ERG: variants seen among roughly 807,000 people sequenced by gnomAD.
The protein encoded by ERG is ETS transcription factor ERG.
A neutral mutation model predicts 55.3 loss-of-function variants in ERG; 9 were observed. The observed-to-expected ratio is 0.16, with a 90% confidence interval of 0.10 to 0.28. ERG has a LOEUF of 0.28. Ranked by LOEUF, ERG falls within the 10% of genes least tolerant of loss-of-function variation. The probability of loss-of-function intolerance (pLI) is 1.00; values close to 1 mark genes in which losing one functional copy is unlikely to be tolerated. For synonymous variants in ERG, 223 were observed against 237.3 expected (o/e 0.94, Z 0.55); for missense variants, 434 against 631.6 (o/e 0.69, Z 3.35).
At chr21:38,595,161 T>C (rs985926629) in intron 1 of ERG, among the ~76,000 whole-genome samples, 10 of 152,068 alleles carry the variant, frequency 6.6e-5, no homozygotes, top group Admixed American at 2.0e-4. Flanking sequence ...CCGAACCTTG[T>C]TGTGAAAATA....
chr21:38,582,227 C>T (rs2060034394), intron 1 of ERG, among the ~76,000 whole-genome samples: 1 of 152,110 alleles, frequency 6.6e-6, no homozygotes, highest in Non-Finnish European at 1.5e-5. Context: ...GTTGTGGGAA[C>T]CCCCAATGTT....
chr21:38,585,532 C>CTTTTTTTTTTTTT (rs760791568), upstream of ERG, among the ~76,000 whole-genome samples: 2,321 of 59,230 alleles, frequency 0.039, 627 homozygotes, highest in East Asian at 0.085. Context: ...TCTCTCTCTT[C>CTTTTTTTTTTTTT]TTTTTTTTTT....
intron 2 of ERG, among the ~76,000 whole-genome samples, chr21:38,504,463 G>A (rs2059445412): frequency 6.6e-6 from 1 of 152,220 alleles, no homozygotes; most frequent in Non-Finnish European, 1.5e-5. Context: ...CCTAAGAGGA[G>A]AGTAATTATT....
Position 38,382,294 on chromosome 21 carries a change from A to G in ERG, c.*1109T>C, listed in dbSNP as rs1569052147. On this transcript the variant is annotated 3_prime_UTR_variant, in exon 10 of 10. Transcript: ENST00000288319. ...ACAAACGCACAGCGTTCGCGACTCA[A>G]AGGAAAACTGGAGGCCGCCTACCCA... The G allele has an allele frequency of 6.6e-6, 7 of 1,054,446 alleles. No homozygotes were observed. Among genetic ancestry groups the G allele is most frequent in the Non-Finnish European group, 8.0e-6 (7 of 872,194 alleles). 65.3% of individuals were successfully genotyped at this position (1,054,446 alleles called of 1,614,324 possible).
chr21:38,461,110 C>T (rs530165903), intron 1 of ERG, among the ~76,000 whole-genome samples: 1 of 152,172 alleles, frequency 6.6e-6, no homozygotes, highest in Admixed American at 6.5e-5. Context: ...CAATGTACCA[C>T]GGACTGAGGG....
chr21:38,644,687 A>G (rs2060445681), intron 1 of ERG, among the ~76,000 whole-genome samples: 1 of 151,740 alleles, frequency 6.6e-6, no homozygotes, highest in Admixed American at 6.7e-5. Context: ...TATCAGGATT[A>G]TATCAATTAA....
At chr21:38,491,043 A>G (rs2059330974) in intron 1 of ERG, among the ~76,000 whole-genome samples, 1 of 152,150 alleles carries the variant, frequency 6.6e-6, no homozygotes, top group Non-Finnish European at 1.5e-5. Flanking sequence ...AGGACTACGC[A>G]ATGCAAAACC....
At chr21:38,515,324 G>A (rs956999549) in intron 2 of ERG, among the ~76,000 whole-genome samples, 1 of 151,884 alleles carries the variant, frequency 6.6e-6, no homozygotes, top group Non-Finnish European at 1.5e-5. Context: ...GGAAAACCTA[G>A]AGGAAATGGA....
Position 38,434,566 on chromosome 21 carries a change from C to A in ERG, c.236+10838G>T, listed in dbSNP as rs147422806. Among the ~76,000 whole-genome samples, 9 of 152,306 alleles carry A rather than the reference C, an allele frequency of 5.9e-5. No homozygotes were observed. The East Asian group carries it at 1.5e-3, about 26-fold the overall frequency. ...GTGAGTACATTTATGAATGAATCTT[C>A]CATTTAAATATTGAGTTCCTTATCT... is the stretch of plus-strand genomic sequence containing the variant. On this transcript the variant is annotated intron_variant, in intron 2 of 9. Transcript: ENST00000288319.
At chr21:38,391,775 A>G (rs751440898) in intron 7 of ERG, 60 bp from the exon 8 acceptor site, 32 of 1,285,062 alleles carry the variant, frequency 2.5e-5, no homozygotes, top group Non-Finnish European at 3.2e-5. Flanking sequence ...CTAGTCTTTG[A>G]TGTTGTTGCA....
At chr21:38,445,808 T>A (rs1253759651) in intron 1 of ERG, among the ~76,000 whole-genome samples, 187 bp from the exon 2 acceptor site, 1 of 152,004 alleles carries the variant, frequency 6.6e-6, no homozygotes, top group African/African-American at 2.4e-5. Context: ...GAGTTAGAAA[T>A]GCCAGCCTAG....
At chr21:38,483,479 G>A (rs1313799629) in intron 1 of ERG, among the ~76,000 whole-genome samples, 1 of 152,146 alleles carries the variant, frequency 6.6e-6, no homozygotes, top group Non-Finnish European at 1.5e-5. Context: ...GGAAAAGTAT[G>A]GATTTGTTAA....
At chr21:38,376,941 A>G (rs886203917), downstream of ERG, among the ~76,000 whole-genome samples, 10 of 152,250 alleles carry the variant, frequency 6.6e-5, no homozygotes, top group Non-Finnish European at 1.2e-4. Context: ...TTCCTGTCTG[A>G]TAACTACCAA....
chr21:38,377,121 A>G (rs1358423251), downstream of ERG, among the ~76,000 whole-genome samples: 1 of 152,254 alleles, frequency 6.6e-6, no homozygotes, highest in Admixed American at 6.5e-5. Flanking sequence ...AACCTCTCAA[A>G]GCTTCACATC....
At position 38,421,583 on chromosome 21, in the gene ERG, C is replaced by T. The variant is rs551756139; in HGVS notation, c.388+1827G>A. Among the ~76,000 whole-genome samples, 18 of 152,286 alleles carry T rather than the reference C, an allele frequency of 1.2e-4. 1 individual carries two copies. Among genetic ancestry groups the T allele is most frequent in the African/African-American group, 4.3e-4 (18 of 41,570 alleles). ...ATCTAACCTGTTTGCCATCACACTT[C>T]GCAGATATTAATTTAGGTGACCCCA... On this transcript the variant is annotated intron_variant, in intron 3 of 9. Transcript: ENST00000288319.
chr21:38,579,000 C>A (rs548704099), intron 1 of ERG, among the ~76,000 whole-genome samples: 2 of 152,234 alleles, frequency 1.3e-5, no homozygotes, highest in South Asian at 4.2e-4. Context: ...CACTCACCTA[C>A]GAGACATGAT....
chr21:38,458,285 G>A (rs866423979), intron 1 of ERG, among the ~76,000 whole-genome samples: 1 of 152,118 alleles, frequency 6.6e-6, no homozygotes, highest in South Asian at 2.1e-4. Context: ...TTAGCCAGGT[G>A]TGGTGGCGTG....
chr21:38,596,774 A>G (rs1353640101), intron 1 of ERG, among the ~76,000 whole-genome samples: 1 of 152,222 alleles, frequency 6.6e-6, no homozygotes. Flanking sequence ...CTTCTTGAGA[A>G]GACTGAAGAA....
upstream of ERG, among the ~76,000 whole-genome samples, chr21:38,587,392 T>C (rs1301727627): frequency 6.7e-6 from 1 of 148,306 alleles, no homozygotes; most frequent in African/African-American, 2.5e-5. Flanking sequence ...GGAGTCTCGC[T>C]CTGTCGCCCA....
Sources: gnomAD v4.1 joint callset for allele counts (sites outside exome capture counted in the v4.1 genomes callset) on GRCh38, gnomAD v4.1.1 for gene constraint, MANE v1.5 for transcripts, NCBI Gene and HGNC (gene_info 2026-07-23, HGNC 2026-07-21) for gene names.